Variants in RXFP1 observed in about 807,000 individuals in gnomAD.
RXFP1 encodes the protein relaxin family peptide receptor 1.
Under a neutral mutation model 89.8 loss-of-function variants are expected in RXFP1, and 73 were observed. That is an observed-to-expected ratio of 0.81 (90% CI 0.67 to 0.99). The LOEUF (loss-of-function observed/expected upper bound fraction) is 0.99. Among genes scored for constraint, RXFP1 ranks in the 50% least tolerant of loss-of-function variants. The pLI is 0.00. For missense variants in RXFP1, 793 were observed against 895.5 expected (o/e 0.89, Z 1.46); for synonymous variants, 277 against 305.5 (o/e 0.91, Z 0.97).
At position 158,572,820 on chromosome 4, in the gene RXFP1, G is replaced by T. The variant is rs1351663425; in HGVS notation, c.172G>T (p.Asp58Tyr). ...NGVDDCGNQA[D>Y]EDNCGDNNGW... is the part of the protein sequence containing the mutation. ...TGTGGACGACTGCGGGAATCAGGCC[G>T]ATGAGGACAACTGTGGTGAGTGAAG... is the stretch of plus-strand genomic sequence containing the variant. Residue 58 changes from aspartate (D) to tyrosine (Y), a missense_variant, in exon 2 of 18, where the codon GAT becomes TAT. Asp to Tyr is a radical substitution (Grantham distance 160). Coordinates refer to ENST00000307765, the MANE Select transcript of RXFP1 (RefSeq NM_021634.4). 1.2e-6 allele frequency: 2 copies of T among 1,614,040 alleles called. No homozygotes were observed. Among genetic ancestry groups the T allele is most frequent in the Non-Finnish European group, 1.7e-6 (2 of 1,180,028 alleles).
chr4:158,546,788 A>G (rs1254969074), intron 1 of RXFP1, among the ~76,000 whole-genome samples: 1 of 151,934 alleles, frequency 6.6e-6, no homozygotes, highest in East Asian at 1.9e-4. Flanking sequence ...CTTGCATCCC[A>G]GGGATGAAGC....
At chr4:158,572,167 A>G (rs1755215514) in intron 1 of RXFP1, among the ~76,000 whole-genome samples, 1 of 152,108 alleles carries the variant, frequency 6.6e-6, no homozygotes, top group African/African-American at 2.4e-5. Context: ...CTTTCTCATC[A>G]TGAGGAAACT....
Position 158,549,915 on chromosome 4 carries a change from G to T in RXFP1, c.50-22783G>T, listed in dbSNP as rs985188909. ...TGGGGGTCAGGGACCCACTTGAGGAGGCAGTCTGCCCATTCTCAGATCTCC... is the reference window on the plus strand; with the variant it reads ...TGGGGGTCAGGGACCCACTTGAGGATGCAGTCTGCCCATTCTCAGATCTCC... On this transcript the variant is annotated intron_variant, in intron 1 of 17. Coordinates refer to ENST00000307765, the MANE Select transcript of RXFP1 (RefSeq NM_021634.4). Among the ~76,000 whole-genome samples, 14 of 152,338 alleles carry T rather than the reference G, an allele frequency of 9.2e-5. 1 individual carries two copies. The highest frequency in any genetic ancestry group is 3.4e-3 in the Middle Eastern group (1 of 294).
chr4:158,583,440 G>A (rs1264048587), intron 2 of RXFP1, among the ~76,000 whole-genome samples: 2 of 152,202 alleles, frequency 1.3e-5, no homozygotes, highest in South Asian at 4.1e-4. Context: ...AACACAGAAG[G>A]ATACACATCA....
chr4:158,535,626 A>G (rs1745108128), intron 1 of RXFP1, among the ~76,000 whole-genome samples: 1 of 152,284 alleles, frequency 6.6e-6, no homozygotes, highest in South Asian at 2.1e-4. Context: ...GACCAAGTCA[A>G]ATTAGAGACT....
In RXFP1 at chr4:158,652,169, AT is replaced by A; in HGVS notation, c.*118del. On this transcript the variant is annotated 3_prime_UTR_variant, in exon 18 of 18. Transcript: ENST00000307765. Reference sequence around the variant, plus strand: ...ATTTATAATAATAGCTAAGATAAATATTTTACAAGGACATGAGGAAAAATAA... The same window carrying A: ...ATTTATAATAATAGCTAAGATAAATATTTACAAGGACATGAGGAAAAATAA... 1 of 855,710 alleles carries A rather than the reference AT, an allele frequency of 1.2e-6. No homozygotes were observed. The highest frequency in any genetic ancestry group is 1.7e-6 in the Non-Finnish European group (1 of 587,118). The allele number at this position is 855,710 out of a possible 1,614,324, so 53.0% of individuals were successfully genotyped here.
At chr4:158,530,821 T>G (rs1265917843) in intron 1 of RXFP1, among the ~76,000 whole-genome samples, 3 of 152,188 alleles carry the variant, frequency 2.0e-5, no homozygotes, top group African/African-American at 7.2e-5. Context: ...TTTGTTGATA[T>G]TTTCTCAACC....
intron 4 of RXFP1, among the ~76,000 whole-genome samples, chr4:158,601,291 A>T (rs957616436): frequency 5.3e-5 from 8 of 152,140 alleles, no homozygotes; most frequent in Non-Finnish European, 8.8e-5. Context: ...GGAGTCAGAG[A>T]TGACTCCAAG....
intron 1 of RXFP1, among the ~76,000 whole-genome samples, chr4:158,537,303 C>T (rs1261905763): frequency 1.3e-5 from 2 of 152,052 alleles, no homozygotes; most frequent in African/African-American, 4.8e-5. Flanking sequence ...CTATCTCTTC[C>T]TTTCATCCTT....
intron 1 of RXFP1, among the ~76,000 whole-genome samples, chr4:158,563,307 G>A (rs1561016488): frequency 1.3e-5 from 2 of 152,262 alleles, no homozygotes; most frequent in Non-Finnish European, 1.5e-5. Context: ...GGGGTTCTGA[G>A]TGGGTCCCCA....
At chr4:158,609,893 G>A (rs942449821) in intron 6 of RXFP1, among the ~76,000 whole-genome samples, 1 of 152,200 alleles carries the variant, frequency 6.6e-6, no homozygotes, top group African/African-American at 2.4e-5. Context: ...TTGAAAGGCA[G>A]TACAGAACTG....
chr4:158,548,441 C>T (rs549304202), intron 1 of RXFP1, among the ~76,000 whole-genome samples: 189 of 152,236 alleles, frequency 1.2e-3, no homozygotes, highest in Non-Finnish European at 2.3e-3. Flanking sequence ...GAGCATTTAG[C>T]CCATTTACAT....
intron 4 of RXFP1, among the ~76,000 whole-genome samples, 180 bp downstream of exon 4, chr4:158,599,611 T>G (rs998265228): frequency 1.3e-5 from 2 of 152,212 alleles, no homozygotes; most frequent in African/African-American, 4.8e-5. Context: ...AGACCCCACC[T>G]TAAATTATTC....
intron 11 of RXFP1, 110 bp from the exon 12 acceptor site, chr4:158,633,295 A>C: frequency 1.5e-6 from 1 of 668,678 alleles, no homozygotes; most frequent in Non-Finnish European, 2.6e-6. Context: ...GATTAATATA[A>C]CTCACCAATG....
At chr4:158,542,090 T>C (rs1194470706) in intron 1 of RXFP1, among the ~76,000 whole-genome samples, 12 of 35,834 alleles carry the variant, frequency 3.3e-4, no homozygotes, top group African/African-American at 8.0e-4. Flanking sequence ...TATATATATA[T>C]ATATATATAT....
At chr4:158,644,726 A>G (rs1437049357) in intron 14 of RXFP1, among the ~76,000 whole-genome samples, 183 bp from the exon 15 acceptor site, 1 of 152,222 alleles carries the variant, frequency 6.6e-6, no homozygotes, top group African/African-American at 2.4e-5. Flanking sequence ...TTCTTTAACA[A>G]TGAAATCAAG....
rs577915327 is a variant in RXFP1 at position 158,582,839 on chromosome 4, C to T, written c.187+10004C>T. 5.5e-4 allele frequency among the ~76,000 whole-genome samples: 83 copies of T among 152,292 alleles called. 1 individual carries two copies. Among genetic ancestry groups the T allele is most frequent in the African/African-American group, 1.9e-3 (80 of 41,568 alleles). On this transcript the variant is annotated intron_variant, in intron 2 of 17. Transcript: ENST00000307765. Reference sequence around the variant, plus strand: ...AAGGAGGAGGGAAGGAAGAAAGACCCCTCCACTCTCTCTGGTGCAAGTCTC... The same window carrying T: ...AAGGAGGAGGGAAGGAAGAAAGACCTCTCCACTCTCTCTGGTGCAAGTCTC...
intron 1 of RXFP1, among the ~76,000 whole-genome samples, chr4:158,537,310 C>T (rs529879264): frequency 8.5e-5 from 13 of 152,220 alleles, no homozygotes; most frequent in Middle Eastern, 3.4e-3. Flanking sequence ...TTCCTTTCAT[C>T]CTTTCCTTCC....
chr4:158,628,525 G>T (rs1767374803), intron 10 of RXFP1, 113 bp from the exon 11 acceptor site: 1 of 438,326 alleles, frequency 2.3e-6, no homozygotes, highest in Non-Finnish European at 4.2e-6. Context: ...ATGTCTTTAT[G>T]TGAAAAATGT....
Sources: gnomAD v4.1 joint callset for allele counts (sites outside exome capture counted in the v4.1 genomes callset) on GRCh38, gnomAD v4.1.1 for gene constraint, MANE v1.5 for transcripts, NCBI Gene and HGNC (gene_info 2026-07-23, HGNC 2026-07-21) for gene names.